Variants in KIZ observed in about 807,000 individuals in gnomAD.
KIZ encodes the protein kizuna centrosomal protein, also known as centrosomal protein kizuna.
Under a neutral mutation model 79.6 loss-of-function variants are expected in KIZ, and 68 were observed. The observed-to-expected ratio is 0.85, with a 90% CI of 0.70 to 1.05. KIZ has a LOEUF of 1.05. KIZ is among the 50% of genes least tolerant of loss of function. The probability of loss-of-function intolerance (pLI) is 0.00; values close to 1 mark genes in which losing one functional copy is unlikely to be tolerated. For missense variants in KIZ, 797 were observed against 800.4 expected, an observed-to-expected ratio of 1.00 and a Z score of 0.05; for synonymous variants, 280 against 281.8, an observed-to-expected ratio of 0.99 and a Z score of 0.06.
At chr20:21,217,465 T>G (rs931854121) in intron 9 of KIZ, among the ~76,000 whole-genome samples, 1 of 152,120 alleles carries the variant, frequency 6.6e-6, no homozygotes, top group Non-Finnish European at 1.5e-5. Flanking sequence ...TCTGTTGGGG[T>G]GTCCTGTTTG....
intron 6 of KIZ, among the ~76,000 whole-genome samples, chr20:21,185,051 GA>G (rs1402978736): frequency 1.4e-5 from 2 of 147,978 alleles, no homozygotes; most frequent in African/African-American, 5.3e-5. Flanking sequence ...TCAAGGAAAG[GA>G]AAAAAATAAT....
intron 2 of KIZ, among the ~76,000 whole-genome samples, chr20:21,134,660 GTTTTTTTTT>G (rs537989513): frequency 7.7e-6 from 1 of 130,522 alleles, no homozygotes; most frequent in African/African-American, 2.8e-5. Context: ...CATCTTTCAG[GTTTTTTTTT>G]TTTTTTTTTT....
At chr20:21,220,057 A>G (rs1305814910) in intron 9 of KIZ, among the ~76,000 whole-genome samples, 2 of 151,756 alleles carry the variant, frequency 1.3e-5, no homozygotes, top group Non-Finnish European at 2.9e-5. Flanking sequence ...GAATTTTTAT[A>G]TCTATAAATG....
chr20:21,219,681 C>T (rs2036437170), intron 9 of KIZ, among the ~76,000 whole-genome samples: 1 of 152,202 alleles, frequency 6.6e-6, no homozygotes, highest in South Asian at 2.1e-4. Flanking sequence ...GACATTCCTT[C>T]TAATGCCAAG....
chr20:21,159,221 G>A (rs935708919), intron 4 of KIZ, among the ~76,000 whole-genome samples: 4 of 151,816 alleles, frequency 2.6e-5, no homozygotes, highest in African/African-American at 9.7e-5. Context: ...GTCTCACTAT[G>A]TTGCCAAGGC....
rs144058048 is a variant in KIZ, at chr20:21,231,647, C to T, written c.1784-1087C>T. Among the ~76,000 whole-genome samples, 448 of 152,226 alleles carry T rather than the reference C, an allele frequency of 2.9e-3. 2 individuals are homozygous for T. The highest frequency in any genetic ancestry group is 0.011 in the African/African-American group (442 of 41,532). On this transcript the variant is annotated intron_variant, in intron 10 of 12. Coordinates refer to ENST00000619189, the MANE Select transcript of KIZ (RefSeq NM_018474.6). ...CTTTGGCTGTGTTTTGTCTTTTACC[C>T]TTACTCTCATTCTGATCCTAAGGAC... is the stretch of plus-strand genomic sequence containing the variant.
At chr20:21,224,274 C>T (rs1291694461) in intron 9 of KIZ, among the ~76,000 whole-genome samples, 11 of 152,196 alleles carry the variant, frequency 7.2e-5, no homozygotes, top group East Asian at 3.8e-4. Flanking sequence ...CCACCCCGCC[C>T]GGCCCTTATT....
chr20:21,236,569 G>T (rs2037013566), intron 11 of KIZ, among the ~76,000 whole-genome samples: 1 of 152,170 alleles, frequency 6.6e-6, no homozygotes, highest in African/African-American at 2.4e-5. Flanking sequence ...TCCTTATCCT[G>T]GACATCATAG....
rs2122698222 is a variant in KIZ at position 21,162,646 on chromosome 20, T to G, written c.1042+139T>G. ...TTCCATTCTAATGAACTCTTAAATA[T>G]GTACATGGGAGTGAATTTGCTGATT... On this transcript the variant is annotated intron_variant, in intron 5 of 12. Transcript: ENST00000619189. 7.7e-6 allele frequency: 6 copies of G among 783,298 alleles called. No homozygotes were observed. The East Asian group carries it at 1.6e-4, about 21-fold the overall frequency. The allele number at this position is 783,298 out of a possible 1,614,324, so 48.5% of individuals were successfully genotyped here. A position where few individuals can be genotyped will look rare whatever the true frequency, so the allele number is the denominator to read the frequency against.
intron 10 of KIZ, among the ~76,000 whole-genome samples, chr20:21,232,247 A>G (rs2036858700): frequency 6.6e-6 from 1 of 152,158 alleles, no homozygotes; most frequent in Admixed American, 6.5e-5. Flanking sequence ...GCTGGTAAAG[A>G]GTGGCCTTGA....
intron 6 of KIZ, among the ~76,000 whole-genome samples, chr20:21,185,872 C>T (rs969664126): frequency 6.6e-6 from 1 of 152,016 alleles, no homozygotes; most frequent in African/African-American, 2.4e-5. Flanking sequence ...CCACCATGCC[C>T]TGCTGGAATT....
rs182928958 is a variant in KIZ, at chr20:21,234,354, A to C, written c.1880+1524A>C. Among the ~76,000 whole-genome samples, 726 of 151,494 alleles carry C rather than the reference A, an allele frequency of 4.8e-3. 9 individuals carry two copies. Among genetic ancestry groups the C allele is most frequent in the African/African-American group, 0.017 (705 of 41,138 alleles). On this transcript the variant is annotated intron_variant, in intron 11 of 12. Coordinates refer to ENST00000619189, the MANE Select transcript of KIZ (RefSeq NM_018474.6). ...CTCATCATCCCCTTTAAGAAAACAA[A>C]AAAAAAAACCACACAAAAAGGCCTT...
At chr20:21,223,057 C>T (rs916474539) in intron 9 of KIZ, among the ~76,000 whole-genome samples, 1 of 152,102 alleles carries the variant, frequency 6.6e-6, no homozygotes, top group African/African-American at 2.4e-5. Flanking sequence ...GATAAGATTG[C>T]CATTTCTAAT....
chr20:21,167,943 T>A (rs1205184083), intron 6 of KIZ, among the ~76,000 whole-genome samples: 1 of 152,200 alleles, frequency 6.6e-6, no homozygotes, highest in East Asian at 1.9e-4. Context: ...TATTATACTT[T>A]AAGTTTTAGG....
chr20:21,172,598 C>CA (rs200053185), intron 6 of KIZ, among the ~76,000 whole-genome samples: 10,982 of 140,710 alleles, frequency 0.078, 459 homozygotes, highest in African/African-American at 0.09. Context: ...GACTCTGTCT[C>CA]AAAAAAAAAA....
Position 21,189,960 on chromosome 20 carries a change from AAC to A in KIZ, c.1353-15527_1353-15526del, listed in dbSNP as rs1486432428. Among the ~76,000 whole-genome samples the A allele has an allele frequency of 7.9e-5, 12 of 152,300 alleles. No homozygotes were observed. The East Asian group carries it at 1.9e-3, about 25-fold the overall frequency. On this transcript the variant is annotated intron_variant, in intron 6 of 12. Coordinates refer to ENST00000619189, the MANE Select transcript of KIZ (RefSeq NM_018474.6). ...CAATGGAGATTGAGGTAGCCACAAA[AAC>A]ACAGGTTTTGTAAGACAGCCCTTTA... is the stretch of plus-strand genomic sequence containing the variant.
intron 9 of KIZ, among the ~76,000 whole-genome samples, chr20:21,220,970 T>C (rs1320362856): frequency 6.6e-6 from 1 of 152,168 alleles, no homozygotes; most frequent in Non-Finnish European, 1.5e-5. Flanking sequence ...GATTTTCAAA[T>C]GCAGCTCATC....
At chr20:21,163,189 TTC>T (rs748496136) in intron 6 of KIZ, 30 bp downstream of exon 6, 7 of 1,479,206 alleles carry the variant, frequency 4.7e-6, no homozygotes, top group Non-Finnish European at 6.5e-6. Flanking sequence ...TTTTCTACTG[TTC>T]TGTTTTTAAT....
At position 21,163,146 on chromosome 20, in the gene KIZ, G is replaced by T; in HGVS notation, c.1339G>T (p.Ala447Ser). 2.5e-6 allele frequency: 4 copies of T among 1,607,272 alleles called. No individual in the cohort carries two copies. The South Asian group carries it at 3.3e-5, about 13-fold the overall frequency. The change falls in exon 6 of 13, where the codon GCA (alanine) becomes TCA (serine). Residue 447 changes from alanine (A) to serine (S), a missense_variant. Ala to Ser is a moderately conservative substitution (Grantham distance 99). Transcript: ENST00000619189. Reference sequence around the variant, plus strand: ...TTCAGAAAAGGAATCCTCCACTAACGCACCAACAAGAGAGTAAGCCATTCA... The same window carrying T: ...TTCAGAAAAGGAATCCTCCACTAACTCACCAACAAGAGAGTAAGCCATTCA... Reference protein sequence around the residue: ...PDSEKESSTNAPTREPGQTPD... With the variant: ...PDSEKESSTNSPTREPGQTPD...
Sources: allele counts gnomAD v4.1 joint callset (sites outside exome capture counted in the v4.1 genomes callset), GRCh38; gene constraint gnomAD v4.1.1; transcripts MANE v1.5; gene names NCBI Gene and HGNC (gene_info 2026-07-23, HGNC 2026-07-21).